MAP2K5: variants seen among roughly 807,000 people sequenced by gnomAD.
The protein encoded by MAP2K5 is mitogen-activated protein kinase kinase 5.
Under a neutral mutation model 83.1 loss-of-function variants are expected in MAP2K5, and 49 were observed. That is an observed-to-expected ratio of 0.59 (90% CI 0.47 to 0.75). MAP2K5 has a LOEUF of 0.75. Among genes scored for constraint, MAP2K5 ranks in the 30% least tolerant of loss-of-function variants. The pLI is 0.00. For synonymous variants in MAP2K5, 202 were observed against 191.8 expected, an observed-to-expected ratio of 1.05 and a Z score of -0.44; for missense variants, 457 against 557.5, an observed-to-expected ratio of 0.82 and a Z score of 1.82.
chr15:67,584,134 C>T (rs1247572460), intron 4 of MAP2K5, among the ~76,000 whole-genome samples: 1 of 152,112 alleles, frequency 6.6e-6, no homozygotes, highest in Non-Finnish European at 1.5e-5. Context: ...GCTAAGTCCT[C>T]TACATTGTTA....
At chr15:67,697,180 T>A (rs1174617373) in intron 15 of MAP2K5, among the ~76,000 whole-genome samples, 1 of 150,012 alleles carries the variant, frequency 6.7e-6, no homozygotes, top group East Asian at 1.9e-4. Flanking sequence ...TAGAAGTCAT[T>A]TGATACCCTC....
intron 7 of MAP2K5, among the ~76,000 whole-genome samples, chr15:67,593,649 T>G (rs1356604129): frequency 6.6e-6 from 1 of 152,260 alleles, no homozygotes; most frequent in Non-Finnish European, 1.5e-5. Context: ...TTTTAATGTT[T>G]GTTATAGTGG....
chr15:67,646,095 C>G (rs2086826026), intron 9 of MAP2K5, 136 bp from the exon 10 acceptor site: 2 of 492,356 alleles, frequency 4.1e-6, no homozygotes, highest in Non-Finnish European at 7.2e-6. Context: ...GCTTGTATTA[C>G]TGGGAATTAT....
At chr15:67,586,710 A>G in intron 5 of MAP2K5, 136 bp from the exon 6 acceptor site, 1 of 765,216 alleles carries the variant, frequency 1.3e-6, no homozygotes, top group Admixed American at 1.8e-5. Flanking sequence ...TACTGAATAG[A>G]CTCCAACTGT....
At position 67,724,384 on chromosome 15, in the gene MAP2K5, C is replaced by CTTTT. The variant is rs887235433; in HGVS notation, c.1045-3529_1045-3526dup. ...TTGACAGCCTCGTGGAGAACTCGTT[C>CTTTT]TTTTTTATTTATTTATTTATTTATT... On this transcript the variant is annotated intron_variant, in intron 16 of 21. Transcript: ENST00000178640. This position sits in a 1 kb window ranked among gnomAD's most constrained non-coding sequence, Gnocchi z 4.4. 6.6e-6 allele frequency among the ~76,000 whole-genome samples: 1 copy of CTTTT among 151,822 alleles called. No homozygotes were observed. The highest frequency in any genetic ancestry group is 1.9e-4 in the East Asian group (1 of 5,186).
At chr15:67,648,429 A>T (rs1262112977) in intron 11 of MAP2K5, among the ~76,000 whole-genome samples, 1 of 152,206 alleles carries the variant, frequency 6.6e-6, no homozygotes, top group Non-Finnish European at 1.5e-5. Flanking sequence ...ATTGCTGAAT[A>T]ACATTTCGTT....
intron 15 of MAP2K5, among the ~76,000 whole-genome samples, chr15:67,696,145 T>A (rs1301979257): frequency 8.3e-6 from 1 of 121,132 alleles, no homozygotes; most frequent in Non-Finnish European, 1.8e-5. Context: ...TTTTTTTTTT[T>A]AACCACAACT....
intron 6 of MAP2K5, among the ~76,000 whole-genome samples, chr15:67,588,482 A>G (rs997341748): frequency 2.0e-5 from 3 of 152,222 alleles, no homozygotes; most frequent in Non-Finnish European, 4.4e-5. Flanking sequence ...ACATTGTATT[A>G]TAATCACCCC....
intron 8 of MAP2K5, chr15:67,628,112 A>G: frequency 1.3e-6 from 1 of 783,592 alleles, no homozygotes; most frequent in Non-Finnish European, 2.2e-6. Flanking sequence ...GAACAAAGAG[A>G]GCTGTCTCAA....
intron 17 of MAP2K5, 42 bp downstream of exon 17, chr15:67,727,987 T>C: frequency 1.9e-6 from 3 of 1,544,396 alleles, no homozygotes; most frequent in Non-Finnish European, 2.7e-6. Context: ...GTGACATTCA[T>C]TCCTATGTAT....
chr15:67,553,718 C>A (rs1416517289), intron 2 of MAP2K5, among the ~76,000 whole-genome samples: 1 of 151,412 alleles, frequency 6.6e-6, no homozygotes, highest in East Asian at 1.9e-4. Flanking sequence ...TCGAGACCAT[C>A]CTGGCTAACA....
Position 67,802,783 on chromosome 15 carries a change from C to G in MAP2K5, c.1243-3863C>G, listed in dbSNP as rs184161212. On this transcript the variant is annotated intron_variant, in intron 21 of 21. Coordinates refer to ENST00000178640, the MANE Select transcript of MAP2K5 (RefSeq NM_145160.3). This position sits in a 1 kb window ranked among gnomAD's most constrained non-coding sequence, Gnocchi z 5.0. ...TGGGTTCCAGGGAGCTGCACCATGCCGCGCTTCCATTGTTCCTTATAGCCT... is the reference window on the plus strand; with the variant it reads ...TGGGTTCCAGGGAGCTGCACCATGCGGCGCTTCCATTGTTCCTTATAGCCT... 3.1e-3 allele frequency among the ~76,000 whole-genome samples: 472 copies of G among 152,320 alleles called. 2 individuals are homozygous for G. Among genetic ancestry groups the G allele is most frequent in the African/African-American group, 0.011 (457 of 41,578 alleles).
chr15:67,662,483 C>A (rs1156616104), intron 12 of MAP2K5, among the ~76,000 whole-genome samples: 1 of 152,066 alleles, frequency 6.6e-6, no homozygotes, highest in Non-Finnish European at 1.5e-5. Context: ...AAATTTTGAC[C>A]AATAGTGATT....
rs780252078 is a variant in MAP2K5, at chr15:67,806,746, C to A, written c.1343C>A (p.Pro448Gln). ...GAGAGGCGGAGCCAGCAGGGGCCCC[C>A]GTGAGGCTGCCGCAGGGCACTGAAA... ...LEERRSQQGPP is the reference protein window; with the variant it reads ...LEERRSQQGPQ The change falls in exon 22 of 22, where the codon CCG (proline) becomes CAG (glutamine). Residue 448 changes from proline (P) to glutamine (Q), a missense_variant. Physicochemically the swap from Pro to Gln is moderately conservative, Grantham distance 76. Coordinates refer to ENST00000178640, the MANE Select transcript of MAP2K5 (RefSeq NM_145160.3). The A allele has an allele frequency of 5.8e-6, 9 of 1,555,654 alleles. No individual in the cohort carries two copies. Among genetic ancestry groups the A allele is most frequent in the Non-Finnish European group, 7.8e-6 (9 of 1,152,310 alleles).
intron 9 of MAP2K5, chr15:67,641,716 T>C (rs1567329538): frequency 1.4e-6 from 1 of 714,602 alleles, no homozygotes; most frequent in African/African-American, 1.9e-5. Flanking sequence ...TCAAATTCTT[T>C]CCAGTTTGAA....
rs1422059778 is a variant in MAP2K5, at chr15:67,690,959, T to A, written c.848-1520T>A. ...CTACCCTGTGAACTTATTTATTTCT[T>A]GGGGCGATGATACCGATAAAAAGAG... is the stretch of plus-strand genomic sequence containing the variant. On this transcript the variant is annotated intron_variant, in intron 13 of 21. Coordinates refer to ENST00000178640, the MANE Select transcript of MAP2K5 (RefSeq NM_145160.3). The surrounding 1 kb of genome is among the most constrained non-coding windows in gnomAD (Gnocchi z 4.3). Among the ~76,000 whole-genome samples the A allele has an allele frequency of 2.0e-5, 3 of 152,230 alleles. No individual in the cohort carries two copies. Among genetic ancestry groups the A allele is most frequent in the African/African-American group, 7.2e-5 (3 of 41,456 alleles).
At chr15:67,721,146 T>G (rs1268803006) in intron 16 of MAP2K5, among the ~76,000 whole-genome samples, 2 of 152,206 alleles carry the variant, frequency 1.3e-5, no homozygotes, top group Non-Finnish European at 2.9e-5. Context: ...GTTTTTTGTT[T>G]TTTTTAAGTT....
Position 67,690,935 on chromosome 15 carries a change from T to C in MAP2K5, c.848-1544T>C, listed in dbSNP as rs1354282373. ...TTTAAAGATGTTTTAAGTATGCTCCTACCCTGTGAACTTATTTATTTCTTG... is the reference window on the plus strand; with the variant it reads ...TTTAAAGATGTTTTAAGTATGCTCCCACCCTGTGAACTTATTTATTTCTTG... On this transcript the variant is annotated intron_variant, in intron 13 of 21. Coordinates refer to ENST00000178640, the MANE Select transcript of MAP2K5 (RefSeq NM_145160.3). The surrounding 1 kb of genome is among the most constrained non-coding windows in gnomAD (Gnocchi z 4.3). Among the ~76,000 whole-genome samples the C allele has an allele frequency of 6.6e-6, 1 of 152,200 alleles. No homozygotes were observed. The highest frequency in any genetic ancestry group is 1.5e-5 in the Non-Finnish European group (1 of 68,030).
chr15:67,759,739 C>T (rs1209060889), intron 19 of MAP2K5, among the ~76,000 whole-genome samples: 1 of 152,196 alleles, frequency 6.6e-6, no homozygotes, highest in African/African-American at 2.4e-5. Flanking sequence ...GTTCCTGTCA[C>T]AGCACATAAC....
Sources: gnomAD v4.1 joint callset for allele counts (sites outside exome capture counted in the v4.1 genomes callset) on GRCh38, gnomAD v4.1.1 for gene constraint, Gnocchi (gnomAD v3.1) non-coding constraint, MANE v1.5 for transcripts, NCBI Gene and HGNC (gene_info 2026-07-23, HGNC 2026-07-21) for gene names.